Variants in SH3KBP1 observed in about 807,000 individuals in gnomAD.
SH3KBP1 encodes the protein SH3 domain containing kinase binding protein 1, also known as SH3 domain-containing kinase-binding protein 1.
SH3KBP1 carries 8 observed loss-of-function variants against 50.1 expected under a neutral mutation model. That is an observed-to-expected ratio of 0.16 (90% CI 0.09 to 0.29). The LOEUF (loss-of-function observed/expected upper bound fraction) is 0.29. SH3KBP1 is among the 10% of genes least tolerant of loss of function. The probability of loss-of-function intolerance (pLI) is 1.00; values close to 1 mark genes in which losing one functional copy is unlikely to be tolerated. For missense variants in SH3KBP1, 377 were observed against 535.2 expected, an observed-to-expected ratio of 0.70 and a Z score of 2.92; for synonymous variants, 227 against 218.6, an observed-to-expected ratio of 1.04 and a Z score of -0.34.
intron 3 of SH3KBP1, among the ~76,000 whole-genome samples, chrX:19,723,226 T>A (rs1248477283): frequency 1.8e-5 from 2 of 108,762 alleles, no homozygotes; most frequent in African/African-American, 6.7e-5. Flanking sequence ...ATACTCCAGA[T>A]AACTCACATG....
intron 8 of SH3KBP1, among the ~76,000 whole-genome samples, chrX:19,610,254 C>T (rs1233033999): frequency 8.9e-6 from 1 of 111,935 alleles, no homozygotes; most frequent in Non-Finnish European, 1.9e-5. Context: ...CTGCCCATGT[C>T]ACATCACCCC....
chrX:19,572,354 ATG>A (rs1462045883), intron 12 of SH3KBP1, among the ~76,000 whole-genome samples: 1 of 100,111 alleles, frequency 1.0e-5, no homozygotes, highest in Non-Finnish European at 1.9e-5. Context: ...GTACATATAT[ATG>A]TATATATAGT....
rs1456890798 is a variant in SH3KBP1 at position 19,674,938 on chromosome X, G to A, written c.726+8885C>T. ...TACTAAAAATACAAAAATCAGCCGG[G>A]CGTGGTGGCCCACACCTATAATCCC... On this transcript the variant is annotated intron_variant, in intron 6 of 17. Transcript: ENST00000397821. Among the ~76,000 whole-genome samples the A allele has an allele frequency of 1.8e-5, 2 of 110,056 alleles. 1 individual carries two copies. Among genetic ancestry groups the A allele is most frequent in the Non-Finnish European group, 3.8e-5 (2 of 52,754 alleles).
At chrX:19,876,185 C>T (rs776831694) in intron 1 of SH3KBP1, among the ~76,000 whole-genome samples, 21 of 110,977 alleles carry the variant, frequency 1.9e-4, no homozygotes, top group Non-Finnish European at 3.2e-4. Context: ...ATGGTGAAAC[C>T]CCATCTCCAC....
At chrX:19,755,375 A>C (rs896269756) in intron 2 of SH3KBP1, among the ~76,000 whole-genome samples, 2 of 111,975 alleles carry the variant, frequency 1.8e-5, no homozygotes, top group African/African-American at 6.5e-5. Flanking sequence ...TCTCAAAATA[A>C]ATAAATAAAT....
At chrX:19,644,749 C>T (rs2061951916) in intron 7 of SH3KBP1, among the ~76,000 whole-genome samples, 1 of 112,003 alleles carries the variant, frequency 8.9e-6, no homozygotes, top group South Asian at 3.7e-4. Flanking sequence ...AATAAAAATA[C>T]ATTAAAATTA....
At chrX:19,874,780 T>C (rs1390152624) in intron 1 of SH3KBP1, among the ~76,000 whole-genome samples, 12 of 60,416 alleles carry the variant, frequency 2.0e-4, no homozygotes, top group African/African-American at 8.3e-4. Flanking sequence ...GGAGAAGGGG[T>C]GTGGAAAAGA....
At position 19,670,839 on chromosome X, in the gene SH3KBP1, CAAAAA is replaced by C. The variant is rs397973698; in HGVS notation, c.726+12979_726+12983del. Reference sequence around the variant, plus strand: ...ACTGGATTTATTACAACTCTAAAAGCAAAAAAAAAAAAAAAGAAATACCTCTTCTC... The same window carrying C: ...ACTGGATTTATTACAACTCTAAAAGCAAAAAAAAAAGAAATACCTCTTCTC... On this transcript the variant is annotated intron_variant, in intron 6 of 17. Transcript: ENST00000397821. The C allele has an allele frequency of 8.1e-6, 8 of 991,679 alleles. No individual in the cohort carries two copies. The African/African-American group carries it at 1.0e-4, about 13-fold the overall frequency. The allele number at this position is 991,679 out of a possible 1,213,427, so 81.7% of individuals were successfully genotyped here.
At chrX:19,537,255 G>A (rs2064738743) in intron 17 of SH3KBP1, among the ~76,000 whole-genome samples, 1 of 110,869 alleles carries the variant, frequency 9.0e-6, no homozygotes. Flanking sequence ...TCAGGAGATC[G>A]AGACCATCCT....
Position 19,648,849 on chromosome X carries a change from G to A in SH3KBP1, c.727-3374C>T, listed in dbSNP as rs116595408. ...CCTACATACAGGAGCAAAGAAAAAC[G>A]GTGGTGAATTATTGCTTTCCCGTCA... On this transcript the variant is annotated intron_variant, in intron 6 of 17. Transcript: ENST00000397821. Among the ~76,000 whole-genome samples, 384 of 111,277 alleles carry A rather than the reference G, an allele frequency of 3.5e-3. 1 individual carries two copies. Among genetic ancestry groups the A allele is most frequent in the African/African-American group, 0.012 (371 of 30,619 alleles).
intron 1 of SH3KBP1, among the ~76,000 whole-genome samples, chrX:19,851,497 C>T (rs754074376): frequency 4.5e-5 from 5 of 112,310 alleles, no homozygotes; most frequent in African/African-American, 1.6e-4. Context: ...GACCCAGGAC[C>T]GGCCTGATAT....
intron 3 of SH3KBP1, among the ~76,000 whole-genome samples, chrX:19,718,057 G>A (rs930954665): frequency 9.1e-6 from 1 of 109,318 alleles, no homozygotes; most frequent in Non-Finnish European, 1.9e-5. Flanking sequence ...GTAGCTCTAC[G>A]TGTATCAGTG....
chrX:19,831,791 C>CAAAAAA (rs368754488), intron 2 of SH3KBP1, among the ~76,000 whole-genome samples: 1 of 36,381 alleles, frequency 2.7e-5, no homozygotes, highest in African/African-American at 1.5e-4. Flanking sequence ...AACTCCATCC[C>CAAAAAA]AAAAAAAAAA....
intron 13 of SH3KBP1, among the ~76,000 whole-genome samples, chrX:19,565,593 G>T (rs990528815): frequency 5.4e-5 from 6 of 111,445 alleles, no homozygotes; most frequent in Non-Finnish European, 1.1e-4. Flanking sequence ...ACCTCAGGAC[G>T]ATGGAAGAGG....
At chrX:19,864,000 G>A (rs1026949849) in intron 1 of SH3KBP1, among the ~76,000 whole-genome samples, 1 of 110,324 alleles carries the variant, frequency 9.1e-6, no homozygotes. Context: ...TTCCTCGCTC[G>A]CTGGCCAGCC....
At chrX:19,754,670 T>C (rs2065157010) in intron 2 of SH3KBP1, among the ~76,000 whole-genome samples, 1 of 111,447 alleles carries the variant, frequency 9.0e-6, no homozygotes, top group Non-Finnish European at 1.9e-5. Flanking sequence ...AGTTTCACCA[T>C]GTTGACCAGG....
intron 4 of SH3KBP1, 74 bp downstream of exon 4, chrX:19,706,807 G>T: frequency 2.5e-6 from 2 of 792,063 alleles, no homozygotes; most frequent in Non-Finnish European, 3.8e-6. Context: ...GTAGCAAGGC[G>T]TCTTCATGGG....
chrX:19,774,666 GAAA>G (rs2065912631), intron 2 of SH3KBP1, among the ~76,000 whole-genome samples: 3 of 56,021 alleles, frequency 5.4e-5, no homozygotes, highest in Non-Finnish European at 8.9e-5. Flanking sequence ...AAGAAAGAAA[GAAA>G]GAAAGAAAGA....
At chrX:19,690,316 C>T (rs1239198963) in intron 5 of SH3KBP1, among the ~76,000 whole-genome samples, 5 of 111,233 alleles carry the variant, frequency 4.5e-5, no homozygotes, top group Non-Finnish European at 9.4e-5. Flanking sequence ...CCTCAGCCTC[C>T]CAAAGTGCTG....
Sources: gnomAD v4.1 joint callset for allele counts (sites outside exome capture counted in the v4.1 genomes callset) on GRCh38, gnomAD v4.1.1 for gene constraint, MANE v1.5 for transcripts, NCBI Gene and HGNC (gene_info 2026-07-23, HGNC 2026-07-21) for gene names.